KDM2B: variants seen among roughly 807,000 people sequenced by gnomAD.
KDM2B encodes the protein lysine-specific demethylase 2B.
In KDM2B, 26 loss-of-function variants were observed where a neutral mutation model predicts 150.0. That is an observed-to-expected ratio of 0.17 (90% CI 0.13 to 0.24). The LOEUF is 0.24. Among genes scored for constraint, KDM2B ranks in the 10% least tolerant of loss-of-function variants. The pLI, the probability that KDM2B is intolerant of heterozygous loss-of-function variation, is 1.00. For missense variants in KDM2B, 1,265 were observed against 1,816.9 expected, an observed-to-expected ratio of 0.70 and a Z score of 5.52; for synonymous variants, 734 against 729.5, an observed-to-expected ratio of 1.01 and a Z score of -0.10.
chr12:121,557,696 G>T (rs1181315474), intron 4 of KDM2B, among the ~76,000 whole-genome samples: 3 of 152,180 alleles, frequency 2.0e-5, no homozygotes, highest in African/African-American at 4.8e-5. Flanking sequence ...TGCCCCTAGA[G>T]ACTTCAGGGG....
At chr12:121,516,166 A>G (rs1886172615) in intron 9 of KDM2B, among the ~76,000 whole-genome samples, 1 of 152,088 alleles carries the variant, frequency 6.6e-6, no homozygotes, top group African/African-American at 2.4e-5. Flanking sequence ...ATTTCCTGAC[A>G]TGAGACTTGA....
intron 16 of KDM2B, 38 bp from the exon 17 acceptor site, chr12:121,443,831 G>A (rs1555289303): frequency 2.1e-6 from 3 of 1,418,044 alleles, no homozygotes; most frequent in South Asian, 2.5e-5. Context: ...GTGACTCGCT[G>A]GTTTTCCCCT....
rs781932574 is a variant in KDM2B at position 121,442,321 on chromosome 12, G to A, written c.3120C>T (p.Arg1040=). Residue 1040 remains arginine, a synonymous_variant, in exon 19 of 23, where the codon CGC becomes CGT. Coordinates refer to ENST00000377071, the MANE Select transcript of KDM2B (RefSeq NM_032590.5). This position sits in a 1 kb window ranked among gnomAD's most constrained non-coding sequence, Gnocchi z 7.7. ...TGATGGGGGGTGGCCGGATCACATG[G>A]CGCTCCATCTGGATACACTTGGGCG... ...VSPPKCIQME[R]HVIRPPPISP... 6.2e-7 allele frequency: 1 copy of A among 1,607,308 alleles called. No homozygotes were observed. The highest frequency in any genetic ancestry group is 8.5e-7 in the Non-Finnish European group (1 of 1,176,574).
chr12:121,440,835 C>T lies in KDM2B; in HGVS notation c.3591G>A (p.Pro1197=), dbSNP rs141490235. 3.5e-4 allele frequency: 565 copies of T among 1,612,008 alleles called. 5 individuals carry two copies. The African/African-American group carries it at 6.7e-3, about 19-fold the overall frequency. ...KDAQMRDLLS[P]PTDNRPGQMD... is the part of the protein sequence containing the mutation. ...ACTCACCTGGCCTGTTGTCTGTGGG[C>T]GGGGACAGGAGATCCCGCATCTGGG... Residue 1197 remains proline (P), a synonymous_variant, in exon 21 of 23, where the codon CCG becomes CCA. Coordinates refer to ENST00000377071, the MANE Select transcript of KDM2B (RefSeq NM_032590.5).
At chr12:121,427,885 A>C (rs1872590183), downstream of KDM2B, among the ~76,000 whole-genome samples, 1 of 152,240 alleles carries the variant, frequency 6.6e-6, no homozygotes, top group Non-Finnish European at 1.5e-5. Context: ...CGTTCACCAG[A>C]GAACAATGAT....
chr12:121,486,102 A>G (rs937644143), intron 12 of KDM2B, among the ~76,000 whole-genome samples: 4 of 143,512 alleles, frequency 2.8e-5, no homozygotes, highest in African/African-American at 7.8e-5. Flanking sequence ...TATGCAACAT[A>G]TATTTTACCA....
chr12:121,437,365 T>G (rs1555287044), intron 22 of KDM2B, among the ~76,000 whole-genome samples: 1 of 151,448 alleles, frequency 6.6e-6, no homozygotes. Flanking sequence ...AACATGGTCA[T>G]AATAAGTGAA....
At position 121,478,866 on chromosome 12, in the gene KDM2B, T is replaced by TTGTTTGTGTGTGTGTG. The variant is rs61509046; in HGVS notation, c.1734+15712_1734+15713insCACACACACACAAACA. ...CCACAACCGGCTAATTTTTGTTTGT[T>TTGTTTGTGTGTGTGTG]TGTGTGTGTGTGTGTGTGTGTGTGT... is the stretch of plus-strand genomic sequence containing the variant. On this transcript the variant is annotated intron_variant, in intron 12 of 22. Coordinates refer to ENST00000377071, the MANE Select transcript of KDM2B (RefSeq NM_032590.5). Among the ~76,000 whole-genome samples, 411 of 131,208 alleles carry TTGTTTGTGTGTGTGTG rather than the reference T, an allele frequency of 3.1e-3. 4 individuals are homozygous for TTGTTTGTGTGTGTGTG. Among genetic ancestry groups the TTGTTTGTGTGTGTGTG allele is most frequent in the Middle Eastern group, 7.7e-3 (2 of 260 alleles). 86.1% of individuals were successfully genotyped at this position (131,208 alleles called of 152,430 possible).
chr12:121,447,991 T>C (rs2138472139), intron 13 of KDM2B, among the ~76,000 whole-genome samples: 1 of 152,016 alleles, frequency 6.6e-6, no homozygotes, highest in South Asian at 2.1e-4. Flanking sequence ...GTCATGGGTT[T>C]TCTTGTTATT....
intron 11 of KDM2B, among the ~76,000 whole-genome samples, chr12:121,498,323 C>T (rs1187807997): frequency 3.9e-5 from 6 of 151,984 alleles, no homozygotes; most frequent in African/African-American, 1.5e-4. Flanking sequence ...AAGATGTAAC[C>T]GGACTGGAAC....
intron 1 of KDM2B, chr12:121,580,031 CAG>C (rs782448541): frequency 1.9e-6 from 3 of 1,548,296 alleles, no homozygotes; most frequent in Non-Finnish European, 1.8e-6. Flanking sequence ...AATCTTCTTC[CAG>C]AGTCTTTCTC....
chr12:121,462,862 G>A (rs1204329162), intron 12 of KDM2B, among the ~76,000 whole-genome samples: 1 of 152,126 alleles, frequency 6.6e-6, no homozygotes, highest in Non-Finnish European at 1.5e-5. Context: ...CAGCACTTTG[G>A]GAGGCTGAGG....
intron 12 of KDM2B, among the ~76,000 whole-genome samples, chr12:121,475,418 T>C (rs1352158186): frequency 7.0e-6 from 1 of 142,840 alleles, no homozygotes; most frequent in African/African-American, 2.6e-5. Context: ...ACTGAGACCC[T>C]GTCTTTACAA....
chr12:121,553,520 G>T (rs1274545507), intron 4 of KDM2B, among the ~76,000 whole-genome samples: 1 of 152,182 alleles, frequency 6.6e-6, no homozygotes, highest in Non-Finnish European at 1.5e-5. Context: ...TGTGCCTCGG[G>T]CTCTTGGCTT....
chr12:121,494,602 T>A lies in KDM2B; in HGVS notation c.1711A>T (p.Thr571Ser). The A allele has an allele frequency of 6.2e-7, 1 of 1,613,526 alleles. No individual in the cohort carries two copies. ...ACCTTTGGAGTCTTCTTTGGCCAAG[T>A]CACCACAGGGACCCCAGTGATGGCC... ...SLAITGVPVV[T>S]WPKKTPKNRA... Residue 571 changes from threonine to serine, a missense_variant, in exon 12 of 23, where the codon ACT (threonine) becomes TCT (serine). This residue lies in a region of KDM2B where 69 missense variants were observed against 85.7 expected (regional missense o/e 0.81). Coordinates refer to ENST00000377071, the MANE Select transcript of KDM2B (RefSeq NM_032590.5).
At chr12:121,454,669 G>A (rs117368200) in intron 12 of KDM2B, among the ~76,000 whole-genome samples, 1 of 152,278 alleles carries the variant, frequency 6.6e-6, no homozygotes, top group East Asian at 1.9e-4. Flanking sequence ...AGGGAGACAC[G>A]TGGTCACCCT....
the KDM2B span, chr12:121,417,749 C>T: frequency 3.8e-5 from 61 of 1,613,966 alleles, no homozygotes; most frequent in East Asian, 8.9e-4. This position sits in a 1 kb window ranked among gnomAD's most constrained non-coding sequence, Gnocchi z 5.0. Flanking sequence ...GCTCTGAGGA[C>T]GACATGGACA....
chr12:121,461,774 G>T (rs1376045270), intron 12 of KDM2B, among the ~76,000 whole-genome samples: 2 of 152,152 alleles, frequency 1.3e-5, no homozygotes, highest in Non-Finnish European at 2.9e-5. Flanking sequence ...AACCGACACT[G>T]CATAGGTGCT....
Position 121,430,584 on chromosome 12 carries a change from C to A in KDM2B, c.3830-115G>T. ...GGTCAGAGCTCTACATATTCCAGTCCCTGCTGTGCTGCACTAAATAAAATG... is the reference window on the plus strand; with the variant it reads ...GGTCAGAGCTCTACATATTCCAGTCACTGCTGTGCTGCACTAAATAAAATG... On this transcript the variant is annotated intron_variant, in intron 22 of 22. Transcript: ENST00000377071. The surrounding 1 kb of genome is among the most constrained non-coding windows in gnomAD (Gnocchi z 4.4). The A allele has an allele frequency of 1.4e-6, 1 of 720,262 alleles. No individual in the cohort carries two copies. Among genetic ancestry groups the A allele is most frequent in the Non-Finnish European group, 2.5e-6 (1 of 404,440 alleles). 44.6% of individuals were successfully genotyped at this position (720,262 alleles called of 1,614,324 possible). A position where few individuals can be genotyped will look rare whatever the true frequency, so the allele number is the denominator to read the frequency against.
Sources: gnomAD v4.1 joint callset for allele counts (sites outside exome capture counted in the v4.1 genomes callset) on GRCh38, gnomAD v4.1.1 for gene constraint, gnomAD v4.1.1 regional missense constraint, Gnocchi (gnomAD v3.1) non-coding constraint, MANE v1.5 for transcripts, NCBI Gene and HGNC (gene_info 2026-07-23, HGNC 2026-07-21) for gene names.